PRKAR2B: variants seen among roughly 807,000 people sequenced by gnomAD.
PRKAR2B encodes the protein cAMP-dependent protein kinase type II-beta regulatory subunit.
PRKAR2B carries 14 observed loss-of-function variants against 49.9 expected under a neutral mutation model. The observed-to-expected ratio is 0.28, with a 90% CI of 0.19 to 0.44. The LOEUF (loss-of-function observed/expected upper bound fraction) is 0.44, where lower values mean the gene tolerates loss of function less well. PRKAR2B is among the 20% of genes least tolerant of loss of function. The pLI is 1.00. For synonymous variants in PRKAR2B, 196 were observed against 197.7 expected, an observed-to-expected ratio of 0.99 and a Z score of 0.07; for missense variants, 393 against 537.9, an observed-to-expected ratio of 0.73 and a Z score of 2.67.
At chr7:107,047,255 G>C (rs1793715888) in intron 1 of PRKAR2B, among the ~76,000 whole-genome samples, 1 of 152,182 alleles carries the variant, frequency 6.6e-6, no homozygotes, top group Non-Finnish European at 1.5e-5. Flanking sequence ...TCTGTCAGAT[G>C]CAGTGCTTTT....
intron 3 of PRKAR2B, among the ~76,000 whole-genome samples, chr7:107,126,719 G>A (rs961676230): frequency 6.6e-6 from 1 of 152,126 alleles, no homozygotes; most frequent in Non-Finnish European, 1.5e-5. Flanking sequence ...GTTTTAGTGT[G>A]TTAGCCTTCC....
chr7:107,048,868 A>G (rs1434517211), intron 1 of PRKAR2B, among the ~76,000 whole-genome samples: 1 of 152,228 alleles, frequency 6.6e-6, no homozygotes, highest in African/African-American at 2.4e-5. Context: ...CAAGCTTTAG[A>G]TGTTAGAATG....
intron 2 of PRKAR2B, among the ~76,000 whole-genome samples, chr7:107,116,907 G>GTGTA (rs1303964027): frequency 1.3e-5 from 2 of 148,454 alleles, no homozygotes; most frequent in African/African-American, 5.0e-5. Flanking sequence ...GTGTGTGTGT[G>GTGTA]TATATATATG....
intron 7 of PRKAR2B, among the ~76,000 whole-genome samples, chr7:107,152,011 C>G (rs1276178221): frequency 6.6e-6 from 1 of 152,186 alleles, no homozygotes; most frequent in Non-Finnish European, 1.5e-5. Context: ...GATTTCCTCT[C>G]AGATGTCTAA....
At chr7:107,076,131 C>G (rs535946460) in intron 2 of PRKAR2B, among the ~76,000 whole-genome samples, 72 of 152,112 alleles carry the variant, frequency 4.7e-4, no homozygotes, top group Non-Finnish European at 6.9e-4. Flanking sequence ...TTTGCATGCT[C>G]TCTCCTCTCC....
At chr7:107,061,808 A>T (rs992649006) in intron 1 of PRKAR2B, among the ~76,000 whole-genome samples, 3 of 152,166 alleles carry the variant, frequency 2.0e-5, no homozygotes, top group Admixed American at 6.5e-5. Context: ...GAGGTAGGAG[A>T]ATCGGTTGAA....
At chr7:107,103,208 G>C (rs1795009384) in intron 2 of PRKAR2B, among the ~76,000 whole-genome samples, 2 of 151,902 alleles carry the variant, frequency 1.3e-5, no homozygotes, top group African/African-American at 4.8e-5. Context: ...CAGAATCAAG[G>C]CACTAAAATT....
intron 1 of PRKAR2B, among the ~76,000 whole-genome samples, chr7:107,065,363 TG>T (rs1237470248): frequency 2.0e-5 from 3 of 149,684 alleles, no homozygotes; most frequent in Non-Finnish European, 3.0e-5. Flanking sequence ...TGTGTGTGTG[TG>T]TGTGTGTGTG....
chr7:107,050,839 C>G (rs1793786568), intron 1 of PRKAR2B, among the ~76,000 whole-genome samples: 2 of 152,044 alleles, frequency 1.3e-5, no homozygotes, highest in South Asian at 4.2e-4. Flanking sequence ...CATTTACTCT[C>G]TTTAGACTTC....
Position 107,113,964 on chromosome 7 carries a change from A to G in PRKAR2B, c.344-7988A>G, listed in dbSNP as rs565302248. ...TTTGAGCCTATCCTGTTCTGGACTC[A>G]TCCTCTTAGAAACGTTCTTTGTTGA... On this transcript the variant is annotated intron_variant, in intron 2 of 10. Transcript: ENST00000265717. Among the ~76,000 whole-genome samples the G allele has an allele frequency of 2.8e-3, 429 of 152,314 alleles. 2 individuals carry two copies. The highest frequency in any genetic ancestry group is 1.0e-2 in the African/African-American group (414 of 41,574).
Position 107,099,321 on chromosome 7 carries a change from G to A in PRKAR2B, c.344-22631G>A, listed in dbSNP as rs138546177. Among the ~76,000 whole-genome samples, 648 of 152,298 alleles carry A rather than the reference G, an allele frequency of 4.3e-3. 1 individual carries two copies. Among genetic ancestry groups the A allele is most frequent in the Non-Finnish European group, 5.7e-3 (388 of 68,020 alleles). ...GGGTGTTGGACCCTCCTAACCAGGC[G>A]CGGGATATAATCTCCTGGTGTGCCG... On this transcript the variant is annotated intron_variant, in intron 2 of 10. Coordinates refer to ENST00000265717, the MANE Select transcript of PRKAR2B (RefSeq NM_002736.3).
At chr7:107,116,955 G>GTGTATA (rs749042503) in intron 2 of PRKAR2B, among the ~76,000 whole-genome samples, 2 of 142,556 alleles carry the variant, frequency 1.4e-5, no homozygotes, top group African/African-American at 5.3e-5. Context: ...GTGTGTGTGT[G>GTGTATA]TATATATATA....
chr7:107,125,325 C>T (rs1382778853), intron 3 of PRKAR2B, among the ~76,000 whole-genome samples: 1 of 152,136 alleles, frequency 6.6e-6, no homozygotes, highest in Non-Finnish European at 1.5e-5. Context: ...GGATCTGTCA[C>T]TAGGATAAAA....
At chr7:107,074,630 C>T (rs1381469369) in intron 2 of PRKAR2B, among the ~76,000 whole-genome samples, 1 of 151,838 alleles carries the variant, frequency 6.6e-6, no homozygotes, top group Non-Finnish European at 1.5e-5. Flanking sequence ...GAAACGCTGT[C>T]TCTACTAAAA....
At chr7:107,058,296 A>T (rs1476879) in intron 1 of PRKAR2B, among the ~76,000 whole-genome samples, 96,944 of 152,034 alleles carry the variant, frequency 0.64, 32,212 homozygotes, top group African/African-American at 0.83. Context: ...TAGAAAAACA[A>T]AACTGTGTGC....
chr7:107,085,470 A>G (rs1167712654), intron 2 of PRKAR2B, among the ~76,000 whole-genome samples: 1 of 152,188 alleles, frequency 6.6e-6, no homozygotes, highest in African/African-American at 2.4e-5. Context: ...CATCATTAAA[A>G]AACTTTTATT....
intron 8 of PRKAR2B, among the ~76,000 whole-genome samples, chr7:107,154,111 C>T (rs1414688423): frequency 6.6e-6 from 1 of 151,972 alleles, no homozygotes; most frequent in Non-Finnish European, 1.5e-5. Flanking sequence ...TTAGAGCAGT[C>T]AGGGATTGGG....
intron 4 of PRKAR2B, among the ~76,000 whole-genome samples, chr7:107,137,195 A>G (rs1245965012): frequency 1.3e-5 from 2 of 152,144 alleles, no homozygotes; most frequent in Admixed American, 1.3e-4. Flanking sequence ...CTTCCACCCA[A>G]CAGTCCCAGT....
At chr7:107,097,216 T>C (rs957422441) in intron 2 of PRKAR2B, among the ~76,000 whole-genome samples, 1 of 152,254 alleles carries the variant, frequency 6.6e-6, no homozygotes, top group Admixed American at 6.5e-5. Context: ...CATATACATT[T>C]AGGATAGTTA....
Sources: gnomAD v4.1 joint callset for allele counts (sites outside exome capture counted in the v4.1 genomes callset) on GRCh38, gnomAD v4.1.1 for gene constraint, MANE v1.5 for transcripts, NCBI Gene and HGNC (gene_info 2026-07-23, HGNC 2026-07-21) for gene names.